The following TMEM71 variants were observed in gnomAD, a reference collection of about 807,000 sequenced individuals.
TMEM71 encodes the protein transmembrane protein 71.
A neutral mutation model predicts 38.0 loss-of-function variants in TMEM71; 44 were observed. That is an observed-to-expected ratio of 1.16 (90% CI 0.91 to 1.49). The LOEUF is 1.49. Among genes scored for constraint, TMEM71 ranks in the 40% most tolerant of loss-of-function variants. TMEM71 has a pLI of 0.00. For missense variants in TMEM71, 367 were observed against 348.6 expected (o/e 1.05, Z -0.42); for synonymous variants, 133 against 122.5 (o/e 1.09, Z -0.56).
chr8:132,713,929 C>A, intron 9 of TMEM71, 66 bp downstream of exon 9: 1 of 1,506,102 alleles, frequency 6.6e-7, no homozygotes, highest in Non-Finnish European at 9.2e-7. Context: ...CAGCAGAAAC[C>A]ATTCTCAGAT....
Position 132,714,000 on chromosome 8 carries a change from A to C in TMEM71, c.867T>G (p.Cys289Trp). ...ATGACACAGGCAACACTTACCGAGC[A>C]CAGGCAGTGGTTTTGAAATAGCTGG... is the stretch of plus-strand genomic sequence containing the variant. The part of the protein sequence containing the change: ...SLASYFKTTA[C>W]ARFVKI Residue 289 changes from cysteine to tryptophan, a missense_variant, in exon 9 of 10, where the codon TGT (cysteine) becomes TGG (tryptophan). Transcript: ENST00000677595. 1 of 1,613,886 alleles carries C rather than the reference A, an allele frequency of 6.2e-7. No homozygotes were observed. The highest frequency in any genetic ancestry group is 2.2e-5 in the East Asian group (1 of 44,860).
At chr8:132,756,006 A>G (rs996742778) in intron 3 of TMEM71, among the ~76,000 whole-genome samples, 4 of 152,174 alleles carry the variant, frequency 2.6e-5, no homozygotes, top group African/African-American at 9.7e-5. Context: ...CTCTGTTCAT[A>G]TTGATTCGTT....
At chr8:132,722,004 T>G in intron 7 of TMEM71, 36 bp downstream of exon 7, 10 of 1,548,160 alleles carry the variant, frequency 6.5e-6, no homozygotes, top group Non-Finnish European at 8.9e-6. Context: ...TCACTAATTA[T>G]GAAATACCGC....
chr8:132,772,638 C>G, the TMEM71 span, among the ~76,000 whole-genome samples: 1 of 152,060 alleles, frequency 6.6e-6, no homozygotes, highest in Non-Finnish European at 1.5e-5. Flanking sequence ...CTCCACTTCC[C>G]AAAATTAACT....
chr8:132,714,463 A>T (rs567443190), intron 7 of TMEM71, among the ~76,000 whole-genome samples: 1 of 152,178 alleles, frequency 6.6e-6, no homozygotes, highest in Admixed American at 6.5e-5. Flanking sequence ...AGGAGAACAT[A>T]CCGTCTTTTC....
chr8:132,774,237 T>C, the TMEM71 span, among the ~76,000 whole-genome samples: 1 of 152,238 alleles, frequency 6.6e-6, no homozygotes, highest in South Asian at 2.1e-4. Flanking sequence ...AATGCAACCA[T>C]GATGAGAAAT....
intron 1 of TMEM71, 184 bp downstream of exon 1, chr8:132,760,292 G>A (rs1006556084): frequency 4.6e-5 from 7 of 152,150 alleles, no homozygotes; most frequent in African/African-American, 7.2e-5. Context: ...GTGTGCATAC[G>A]TGTTCCTTCC....
chr8:132,727,799 T>A lies in TMEM71; in HGVS notation c.675A>T (p.Ser225=). 6.2e-7 allele frequency: 1 copy of A among 1,604,282 alleles called. No homozygotes were observed. The highest frequency in any genetic ancestry group is 8.5e-7 in the Non-Finnish European group (1 of 1,175,634). Reference sequence around the variant, plus strand: ...AATATTTAAAACACCTGAACTCACCTGAATGATCCGAACTATTCTCTTGGA... The same window carrying A: ...AATATTTAAAACACCTGAACTCACCAGAATGATCCGAACTATTCTCTTGGA... ...ERFQENSSDH[S]ETRLLQEVFF... Residue 225 remains serine, a splice_region_variant and synonymous_variant, in exon 6 of 10, where the codon TCA becomes TCT. Coordinates refer to ENST00000677595, the MANE Select transcript of TMEM71 (RefSeq NM_001382403.1).
chr8:132,762,858 T>C (rs1374155458), upstream of TMEM71, among the ~76,000 whole-genome samples: 2 of 152,240 alleles, frequency 1.3e-5, no homozygotes, highest in African/African-American at 4.8e-5. Context: ...ATATGTAATC[T>C]TGTTTCAACC....
chr8:132,715,409 C>CA (rs975995287), intron 7 of TMEM71, among the ~76,000 whole-genome samples: 692 of 21,354 alleles, frequency 0.032, 71 homozygotes, highest in East Asian at 0.091. Context: ...GACTCCGTCT[C>CA]AAAAAAAAAA....
chr8:132,757,379 T>A, intron 2 of TMEM71, 85 bp from the exon 3 acceptor site: 2 of 1,012,384 alleles, frequency 2.0e-6, no homozygotes, highest in Non-Finnish European at 3.0e-6. Flanking sequence ...ATATGTATAA[T>A]TGCAAACAGT....
rs1829021540 is a variant in TMEM71 at position 132,756,433 on chromosome 8, A to G, written c.101+801T>C. Among the ~76,000 whole-genome samples, 5 of 144,634 alleles carry G rather than the reference A, an allele frequency of 3.5e-5. No homozygotes were observed. The South Asian group carries it at 8.5e-4, about 25-fold the overall frequency. The allele number at this position is 144,634 out of a possible 152,430, so 94.9% of individuals were successfully genotyped here. ...ATATTATATATATATATATATATAT[A>G]TATATATATTCATTATTCTATTAGG... On this transcript the variant is annotated intron_variant, in intron 3 of 9. Transcript: ENST00000677595.
intron 5 of TMEM71, among the ~76,000 whole-genome samples, chr8:132,739,197 AG>A: frequency 6.6e-6 from 1 of 152,360 alleles, no homozygotes; most frequent in East Asian, 1.9e-4. Context: ...CTGCACTATG[AG>A]GGACATGATG....
intron 5 of TMEM71, among the ~76,000 whole-genome samples, chr8:132,729,568 A>G (rs1166108978): frequency 1.3e-5 from 2 of 152,242 alleles, no homozygotes; most frequent in South Asian, 4.1e-4. Flanking sequence ...CACATGCCCA[A>G]CAAATGTACT....
chr8:132,763,856 G>A (rs778261367), upstream of TMEM71, among the ~76,000 whole-genome samples: 1 of 152,184 alleles, frequency 6.6e-6, no homozygotes, highest in Non-Finnish European at 1.5e-5. Context: ...TCTTTGACAG[G>A]CGGAATGCTA....
At chr8:132,715,146 C>A (rs1826436660) in intron 7 of TMEM71, among the ~76,000 whole-genome samples, 1 of 152,036 alleles carries the variant, frequency 6.6e-6, no homozygotes, top group Non-Finnish European at 1.5e-5. Context: ...GGTGCTCATG[C>A]CTGTAATCCC....
chr8:132,758,181 C>A (rs1302603961), intron 2 of TMEM71: 2 of 152,298 alleles, frequency 1.3e-5, no homozygotes, highest in East Asian at 3.9e-4. Flanking sequence ...TCATTCGTTC[C>A]ATTTTAACCA....
intron 5 of TMEM71, among the ~76,000 whole-genome samples, chr8:132,732,094 T>A (rs1408690902): frequency 5.3e-5 from 8 of 152,142 alleles, no homozygotes; most frequent in Non-Finnish European, 7.4e-5. Context: ...GGAAGTCAAA[T>A]TAGATATTGC....
intron 2 of TMEM71, chr8:132,758,093 A>C (rs1829132785): frequency 1.3e-5 from 2 of 152,176 alleles, no homozygotes; most frequent in Admixed American, 1.3e-4. Context: ...GAAGAAATAA[A>C]GTTTTGTTTT....
Sources: gnomAD v4.1 joint callset for allele counts (sites outside exome capture counted in the v4.1 genomes callset) on GRCh38, gnomAD v4.1.1 for gene constraint, MANE v1.5 for transcripts, NCBI Gene and HGNC (gene_info 2026-07-23, HGNC 2026-07-21) for gene names.